Variants in PBX1 observed in about 807,000 individuals in gnomAD.
The protein encoded by PBX1 is pre-B-cell leukemia transcription factor 1.
A neutral mutation model predicts 53.4 loss-of-function variants in PBX1; 6 were observed. That is an observed-to-expected ratio of 0.11 (90% CI 0.06 to 0.22). The LOEUF is 0.22. Ranked by LOEUF, PBX1 falls within the 10% of genes least tolerant of loss-of-function variation. The pLI, the probability that PBX1 is intolerant of heterozygous loss-of-function variation, is 1.00. For synonymous variants in PBX1, 204 were observed against 212.3 expected (o/e 0.96, Z 0.34); for missense variants, 251 against 551.4 (o/e 0.46, Z 5.46).
At chr1:164,757,100 T>A (rs1476534503) in intron 2 of PBX1, among the ~76,000 whole-genome samples, 2 of 152,116 alleles carry the variant, frequency 1.3e-5, no homozygotes, top group Non-Finnish European at 2.9e-5. Flanking sequence ...CCCATTTTTT[T>A]TTTGCAAGAG....
intron 2 of PBX1, among the ~76,000 whole-genome samples, chr1:164,721,724 T>G (rs1664415556): frequency 1.3e-5 from 2 of 152,184 alleles, no homozygotes. Context: ...GGCCTGTGGC[T>G]CCTCCTTCTC....
intron 2 of PBX1, among the ~76,000 whole-genome samples, chr1:164,750,495 A>G (rs1666149328): frequency 6.6e-6 from 1 of 152,146 alleles, no homozygotes; most frequent in Admixed American, 6.5e-5. Flanking sequence ...TAAGCCCACA[A>G]TAGAAAAAAT....
At chr1:164,732,000 G>A (rs1000718685) in intron 2 of PBX1, among the ~76,000 whole-genome samples, 7 of 152,116 alleles carry the variant, frequency 4.6e-5, no homozygotes, top group African/African-American at 1.7e-4. Context: ...CTACACAGTG[G>A]GCAGCCAGAA....
intron 2 of PBX1, among the ~76,000 whole-genome samples, chr1:164,632,778 C>T (rs1658492665): frequency 6.6e-6 from 1 of 152,064 alleles, no homozygotes; most frequent in South Asian, 2.1e-4. Flanking sequence ...ATATTATTAC[C>T]AGGAACTCAT....
chr1:164,870,198 T>G (rs1277349302), intron 2 of PBX1, among the ~76,000 whole-genome samples: 2 of 145,492 alleles, frequency 1.4e-5, no homozygotes, highest in Admixed American at 6.8e-5. Context: ...TTGACTTTCT[T>G]TCTTTCTTTC....
At chr1:164,639,885 A>G (rs1659014512) in intron 2 of PBX1, among the ~76,000 whole-genome samples, 1 of 152,024 alleles carries the variant, frequency 6.6e-6, no homozygotes, top group African/African-American at 2.4e-5. Context: ...GCTAGTCTCA[A>G]ATTCCTGGGC....
chr1:164,734,431 T>C (rs1571308673), intron 2 of PBX1, among the ~76,000 whole-genome samples: 2 of 152,202 alleles, frequency 1.3e-5, no homozygotes, highest in Non-Finnish European at 1.5e-5. Context: ...AATTTCTCCC[T>C]GAAAGTGATT....
chr1:164,748,214 C>T (rs1666002395), intron 2 of PBX1, among the ~76,000 whole-genome samples: 1 of 152,146 alleles, frequency 6.6e-6, no homozygotes, highest in African/African-American at 2.4e-5. Flanking sequence ...TCATGTCACA[C>T]CATAAATAGT....
At chr1:164,629,724 G>A (rs1389780258) in intron 2 of PBX1, among the ~76,000 whole-genome samples, 2 of 152,198 alleles carry the variant, frequency 1.3e-5, no homozygotes, top group Non-Finnish European at 2.9e-5. Context: ...CAACATTTCT[G>A]TAAAAAGTGG....
chr1:164,829,427 C>G (rs1168458398), intron 8 of PBX1: 5 of 152,198 alleles, frequency 3.3e-5, no homozygotes, highest in Admixed American at 3.3e-4. Context: ...TGGAAATGTT[C>G]TATTTTAGCA....
intron 2 of PBX1, among the ~76,000 whole-genome samples, chr1:164,605,002 A>G (rs758899406): frequency 9.2e-5 from 14 of 152,178 alleles, no homozygotes; most frequent in Non-Finnish European, 2.1e-4. Flanking sequence ...TGTATGGAAG[A>G]CACCAGTAAT....
chr1:164,695,107 T>C (rs756643100), intron 2 of PBX1, among the ~76,000 whole-genome samples: 3 of 152,254 alleles, frequency 2.0e-5, no homozygotes, highest in Non-Finnish European at 4.4e-5. Flanking sequence ...AATTTTGATA[T>C]TAATAATGGT....
At chr1:164,576,324 T>A (rs1244336577) in intron 2 of PBX1, among the ~76,000 whole-genome samples, 1 of 152,202 alleles carries the variant, frequency 6.6e-6, no homozygotes, top group Non-Finnish European at 1.5e-5. Context: ...CTCGCAAATC[T>A]GTTGACTTCA....
At chr1:164,714,187 C>A (rs537961290) in intron 2 of PBX1, among the ~76,000 whole-genome samples, 15 of 152,288 alleles carry the variant, frequency 9.8e-5, no homozygotes, top group African/African-American at 3.6e-4. Context: ...TCTAGATTCC[C>A]TGATTAACTC....
chr1:164,719,716 T>C (rs117195859), intron 2 of PBX1, among the ~76,000 whole-genome samples: 2,334 of 152,248 alleles, frequency 0.015, 22 homozygotes, highest in Middle Eastern at 0.041. Context: ...ATTGGCACAC[T>C]CTTTCTGTCA....
intron 2 of PBX1, chr1:164,639,429 A>G (rs933322542): frequency 1.3e-5 from 2 of 152,090 alleles, no homozygotes; most frequent in Non-Finnish European, 2.9e-5. Context: ...GATTTTAGTG[A>G]TTTCTTAATC....
chr1:164,740,890 A>G (rs537955775), intron 2 of PBX1, among the ~76,000 whole-genome samples: 2 of 152,320 alleles, frequency 1.3e-5, no homozygotes, highest in South Asian at 4.1e-4. Flanking sequence ...TATTTGATCA[A>G]CTGTTACTAG....
chr1:164,870,195 T>TTA lies in PBX1; in HGVS notation n.258-28993_258-28992insTA, dbSNP rs1558053502. ...AAAATCACTTTTTCTCTATTGACTT[T>TTA]CTTTCTTTCTTTCTTTTCTTTCTTT... On this transcript the variant is annotated intron_variant and non_coding_transcript_variant, in intron 2 of 2. Transcript: ENST00000558796. 2.2e-5 allele frequency among the ~76,000 whole-genome samples: 3 copies of TTA among 137,048 alleles called. No individual in the cohort carries two copies. In the East Asian group the frequency reaches 6.3e-4, roughly 29 times the overall value. 89.9% of individuals were successfully genotyped at this position (137,048 alleles called of 152,430 possible). A position where few individuals can be genotyped will look rare whatever the true frequency, so the allele number is the denominator to read the frequency against.
At chr1:164,673,925 C>T (rs1661273939) in intron 2 of PBX1, among the ~76,000 whole-genome samples, 1 of 152,170 alleles carries the variant, frequency 6.6e-6, no homozygotes, top group African/African-American at 2.4e-5. Context: ...TTATTCGTTA[C>T]TCCCTTGTAG....
Sources: allele counts gnomAD v4.1 joint callset (sites outside exome capture counted in the v4.1 genomes callset), GRCh38; gene constraint gnomAD v4.1.1; transcripts MANE v1.5; gene names NCBI Gene and HGNC (gene_info 2026-07-23, HGNC 2026-07-21).